Variants in EXT2 observed in about 807,000 individuals in gnomAD.
EXT2 encodes exostosin-2.
EXT2 carries 53 observed loss-of-function variants against 81.6 expected under a neutral mutation model. The ratio of observed to expected loss-of-function variants is 0.65; its 90% CI spans 0.52 to 0.82. EXT2 has a LOEUF of 0.82. Among genes scored for constraint, EXT2 ranks in the 40% least tolerant of loss-of-function variants. The probability of loss-of-function intolerance (pLI) is 0.00; values close to 1 mark genes in which losing one functional copy is unlikely to be tolerated. For synonymous variants in EXT2, 320 were observed against 340.0 expected, an observed-to-expected ratio of 0.94 and a Z score of 0.65; for missense variants, 774 against 910.2, an observed-to-expected ratio of 0.85 and a Z score of 1.93.
At chr11:44,212,279 C>T (rs930055518) in intron 10 of EXT2, among the ~76,000 whole-genome samples, 44 of 144,128 alleles carry the variant, frequency 3.1e-4, no homozygotes, top group African/African-American at 9.3e-4. Flanking sequence ...TGAGAGACTC[C>T]GTCTTAAAAA....
Position 44,249,131 on chromosome 11 carries a change from A to C in EXT2, c.*4844A>C, listed in dbSNP as rs1245860859. Among the ~76,000 whole-genome samples the C allele has an allele frequency of 2.0e-5, 3 of 151,964 alleles. No homozygotes were observed. The highest frequency in any genetic ancestry group is 7.3e-5 in the African/African-American group (3 of 41,362). The stretch of plus-strand genomic sequence containing the variant: ...CCCATCTCAGCCTTCCAAGTAGCTG[A>C]GACTAAAAGCGTGCACCACCACACC... On this transcript the variant is annotated 3_prime_UTR_variant, in exon 14 of 14. Transcript: ENST00000533608.
intron 7 of EXT2, among the ~76,000 whole-genome samples, chr11:44,158,868 G>A (rs1954891480): frequency 6.6e-6 from 1 of 151,818 alleles, no homozygotes; most frequent in Admixed American, 6.6e-5. Flanking sequence ...ATTCTTAAGT[G>A]TGTGGTTTTT....
intron 13 of EXT2, among the ~76,000 whole-genome samples, chr11:44,239,895 C>A (rs143137923): frequency 6.6e-6 from 1 of 152,214 alleles, no homozygotes; most frequent in African/African-American, 2.4e-5. Context: ...GGATACCAAT[C>A]TTCACGCATG....
At chr11:44,126,664 G>T in intron 5 of EXT2, 152 bp from the exon 6 acceptor site, 1 of 846,526 alleles carries the variant, frequency 1.2e-6, no homozygotes, top group South Asian at 1.4e-5. Flanking sequence ...AAGTTTTACA[G>T]GTGTGAGCTG....
intron 8 of EXT2, among the ~76,000 whole-genome samples, chr11:44,181,747 T>C (rs1457232176): frequency 1.3e-5 from 2 of 152,252 alleles, no homozygotes; most frequent in African/African-American, 4.8e-5. Flanking sequence ...TTTAGTTTTC[T>C]TCAGCTCCTT....
At chr11:44,163,397 T>C (rs1444654466) in intron 7 of EXT2, among the ~76,000 whole-genome samples, 1 of 152,238 alleles carries the variant, frequency 6.6e-6, no homozygotes, top group East Asian at 1.9e-4. Flanking sequence ...CAGACTGTTA[T>C]GAGGTTGTCC....
chr11:44,205,881 T>A (rs963747841), intron 9 of EXT2, among the ~76,000 whole-genome samples: 1 of 152,160 alleles, frequency 6.6e-6, no homozygotes, highest in African/African-American at 2.4e-5. Flanking sequence ...AACTGCCCTC[T>A]GAGATCTATG....
At chr11:44,241,757 G>A (rs1022937942) in intron 13 of EXT2, among the ~76,000 whole-genome samples, 10 of 152,214 alleles carry the variant, frequency 6.6e-5, no homozygotes, top group African/African-American at 2.2e-4. Flanking sequence ...TACTGACATG[G>A]TAGCTGGACC....
At chr11:44,242,786 A>G (rs533122701) in intron 13 of EXT2, among the ~76,000 whole-genome samples, 44 of 152,312 alleles carry the variant, frequency 2.9e-4, no homozygotes, top group South Asian at 1.7e-3. Context: ...GTACATTTGT[A>G]TCATCTAATT....
chr11:44,126,976 A>G, intron 6 of EXT2, 21 bp downstream of exon 6: 1 of 1,613,788 alleles, frequency 6.2e-7, no homozygotes. Context: ...CCTCCTAGTA[A>G]ACTCTACATT....
chr11:44,181,114 G>T (rs1045038048), intron 8 of EXT2, among the ~76,000 whole-genome samples: 5 of 151,076 alleles, frequency 3.3e-5, no homozygotes, highest in Admixed American at 1.3e-4. Flanking sequence ...AAAAAAAAAA[G>T]TTTTTTATTC....
chr11:44,134,365 TA>T (rs1954536357), intron 7 of EXT2, among the ~76,000 whole-genome samples: 3 of 152,222 alleles, frequency 2.0e-5, no homozygotes, highest in Non-Finnish European at 4.4e-5. Context: ...TATATGGGTA[TA>T]AGCATAAAGA....
At chr11:44,116,968 T>C (rs1420439210) in intron 4 of EXT2, 3 of 151,572 alleles carry the variant, frequency 2.0e-5, no homozygotes, top group East Asian at 3.8e-4. Context: ...CTTTTCACTT[T>C]CTTTTTTTTT....
intron 8 of EXT2, 70 bp downstream of exon 8, chr11:44,171,812 AC>A: frequency 6.3e-7 from 1 of 1,596,554 alleles, no homozygotes; most frequent in Non-Finnish European, 8.6e-7. Flanking sequence ...GGAAAAATGT[AC>A]TACAATTGTA....
intron 6 of EXT2, among the ~76,000 whole-genome samples, chr11:44,129,449 GA>G (rs996318541): frequency 1.3e-5 from 2 of 152,104 alleles, no homozygotes; most frequent in African/African-American, 4.8e-5. Flanking sequence ...GCTGTTCCTG[GA>G]ACTTGCCCAC....
chr11:44,215,941 A>G (rs1448551124), intron 10 of EXT2, among the ~76,000 whole-genome samples: 3 of 150,122 alleles, frequency 2.0e-5, no homozygotes, highest in Non-Finnish European at 4.4e-5. Context: ...CAGTGGCGCA[A>G]TCTCGGCTCA....
chr11:44,124,935 G>A lies in EXT2; in HGVS notation c.890G>A (p.Arg297His), dbSNP rs773482624. ...TNLSEGVLSV[R>H]KRCHKHQVFD... ...CTCTCAGAGGGTGTCCTTTCTGTCC[G>A]TAAGCGCTGCCACAAGCACCAGGTC... Residue 297 changes from arginine (R) to histidine (H), a missense_variant, in exon 5 of 14, where the codon CGT becomes CAT. Physicochemically the swap from Arg to His is conservative, Grantham distance 29. Transcript: ENST00000533608. The A allele has an allele frequency of 3.1e-5, 50 of 1,613,614 alleles. No individual in the cohort carries two copies. In the East Asian group the frequency reaches 6.9e-4, roughly 22 times the overall value.
At chr11:44,204,277 T>C (rs80254851) in intron 9 of EXT2, among the ~76,000 whole-genome samples, 1 of 152,230 alleles carries the variant, frequency 6.6e-6, no homozygotes, top group African/African-American at 2.4e-5. Flanking sequence ...CTACAGGTCA[T>C]GAGTGACATC....
chr11:44,129,946 G>T, intron 6 of EXT2, 99 bp from the exon 7 acceptor site: 1 of 902,192 alleles, frequency 1.1e-6, no homozygotes, highest in South Asian at 1.4e-5. Context: ...AAGGAGGTTT[G>T]GGATGTTGTT....
Sources: allele counts gnomAD v4.1 joint callset (sites outside exome capture counted in the v4.1 genomes callset), GRCh38; gene constraint gnomAD v4.1.1; transcripts MANE v1.5; gene names NCBI Gene and HGNC (gene_info 2026-07-23, HGNC 2026-07-21).